Variants in TRRAP observed in about 807,000 individuals in gnomAD.
The protein encoded by TRRAP is transformation/transcription domain-associated protein.
In TRRAP, 41 loss-of-function variants were observed where a neutral mutation model predicts 438.8. The observed-to-expected ratio is 0.09, with a 90% CI of 0.07 to 0.12. The LOEUF is 0.12. Ranked by LOEUF, TRRAP falls within the 10% of genes least tolerant of loss-of-function variation. The pLI is 1.00. For synonymous variants in TRRAP, 1,994 were observed against 1,962.9 expected, an observed-to-expected ratio of 1.02 and a Z score of -0.42; for missense variants, 3,122 against 5,055.1, an observed-to-expected ratio of 0.62 and a Z score of 11.60.
intron 67 of TRRAP, chr7:98,999,681 A>G (rs1165618114): frequency 3.3e-6 from 3 of 914,408 alleles, no homozygotes; most frequent in Non-Finnish European, 5.3e-6. Context: ...AGGAGGATGG[A>G]TAATCTGGTG....
Position 98,985,173 on chromosome 7 carries a change from T to A in TRRAP, c.9389+129T>A, listed in dbSNP as rs531138981. On this transcript the variant is annotated intron_variant, in intron 62 of 72. Transcript: ENST00000456197. ...ATTTGGTGACAGTCATTAGGTAGGA[T>A]TTTTTAGGTACTGCACCTCTGCAAA... 21 of 627,490 alleles carry A rather than the reference T, an allele frequency of 3.3e-5. No homozygotes were observed. In the African/African-American group the frequency reaches 3.8e-4, roughly 11 times the overall value. The allele number at this position is 627,490 out of a possible 1,614,324, so 38.9% of individuals were successfully genotyped here.
At chr7:98,950,793 C>G (rs1329876754) in intron 38 of TRRAP, 83 bp from the exon 39 acceptor site, 18 of 1,441,894 alleles carry the variant, frequency 1.2e-5, no homozygotes, top group Admixed American at 2.6e-5. Flanking sequence ...TGTGCTAAGG[C>G]CAAGACTAGC....
At chr7:98,899,556 A>C in intron 9 of TRRAP, 57 bp downstream of exon 9, 2 of 1,606,264 alleles carry the variant, frequency 1.2e-6, no homozygotes, top group Admixed American at 3.3e-5. Context: ...GAAAATTGGC[A>C]TCTGGGGCCA....
intron 20 of TRRAP, among the ~76,000 whole-genome samples, chr7:98,920,093 T>C (rs1554410232): frequency 7.2e-5 from 11 of 152,206 alleles, no homozygotes. Flanking sequence ...TTTGCTTGGT[T>C]TAGAGAAAAG....
At position 98,948,105 on chromosome 7, in the gene TRRAP, C is replaced by T. The variant is rs1584347492; in HGVS notation, c.4549-116C>T. On this transcript the variant is annotated intron_variant, in intron 33 of 72. Coordinates refer to ENST00000456197, the MANE Select transcript of TRRAP (RefSeq NM_001375524.1). This position sits in a 1 kb window ranked among gnomAD's most constrained non-coding sequence, Gnocchi z 4.9. Reference sequence around the variant, plus strand: ...GTGGCTTTTACATGTGAACCCTTCGCTTCACTGCCTAGCCTTGCCAACATA... The same window carrying T: ...GTGGCTTTTACATGTGAACCCTTCGTTTCACTGCCTAGCCTTGCCAACATA... 6.8e-7 allele frequency: 1 copy of T among 1,464,844 alleles called. No homozygotes were observed. The highest frequency in any genetic ancestry group is 9.3e-7 in the Non-Finnish European group (1 of 1,073,186). The allele number at this position is 1,464,844 out of a possible 1,614,324, so 90.7% of individuals were successfully genotyped here.
chr7:98,964,855 A>G, intron 48 of TRRAP, 80 bp downstream of exon 48: 1 of 1,471,772 alleles, frequency 6.8e-7, no homozygotes, highest in Non-Finnish European at 9.0e-7. Context: ...CTGGGGCTGA[A>G]CTCTAAAGGG....
intron 20 of TRRAP, among the ~76,000 whole-genome samples, chr7:98,921,329 G>A (rs1275553014): frequency 6.6e-6 from 1 of 152,128 alleles, no homozygotes; most frequent in Non-Finnish European, 1.5e-5. Context: ...GGTGTGTTTG[G>A]GTAACAGAGG....
At chr7:99,000,451 G>A (rs1271720370) in intron 67 of TRRAP, among the ~76,000 whole-genome samples, 2 of 152,322 alleles carry the variant, frequency 1.3e-5, no homozygotes, top group East Asian at 1.9e-4. Context: ...GGGGCAAGCC[G>A]GAAACTGCTA....
chr7:98,895,881 A>G, intron 7 of TRRAP, 61 bp downstream of exon 7: 1 of 1,364,650 alleles, frequency 7.3e-7, no homozygotes, highest in Non-Finnish European at 1.0e-6. Context: ...TTCCAAAAAG[A>G]CTTTAGAACA....
intron 18 of TRRAP, among the ~76,000 whole-genome samples, chr7:98,913,724 T>C (rs1448592499): frequency 3.3e-5 from 5 of 152,216 alleles, no homozygotes; most frequent in African/African-American, 9.6e-5. Context: ...AAGAACATCT[T>C]AGAGAAGATG....
chr7:98,885,043 A>G (rs1340102020), intron 3 of TRRAP, among the ~76,000 whole-genome samples: 1 of 152,180 alleles, frequency 6.6e-6, no homozygotes, highest in Non-Finnish European at 1.5e-5. Context: ...CATGTCTCAC[A>G]TATAAGCATG....
At chr7:98,904,377 G>A in intron 12 of TRRAP, among the ~76,000 whole-genome samples, 1 of 151,498 alleles carries the variant, frequency 6.6e-6, no homozygotes, top group Non-Finnish European at 1.5e-5. Context: ...CAGCTGCTTG[G>A]GAGGCTGAGG....
intron 67 of TRRAP, among the ~76,000 whole-genome samples, chr7:99,001,905 C>A (rs1468192403): frequency 2.0e-5 from 3 of 152,160 alleles, no homozygotes; most frequent in Non-Finnish European, 4.4e-5. Flanking sequence ...GGAAACCATG[C>A]AGATGCCCTT....
Position 98,955,080 on chromosome 7 carries a change from G to A in TRRAP, c.5731-18G>A, listed in dbSNP as rs377466223. 41 of 1,603,386 alleles carry A rather than the reference G, an allele frequency of 2.6e-5. No individual in the cohort carries two copies. Among genetic ancestry groups the A allele is most frequent in the Non-Finnish European group, 3.3e-5 (39 of 1,171,570 alleles). ...GCCTTCCTTCTCATCCTCCATAAACGTCTCTTCCCTGTTTTAGGTTTTTCA... is the reference window on the plus strand; with the variant it reads ...GCCTTCCTTCTCATCCTCCATAAACATCTCTTCCCTGTTTTAGGTTTTTCA... On this transcript the variant is annotated intron_variant, in intron 40 of 72. Transcript: ENST00000456197.
chr7:98,910,216 CTGCCCCA>C lies in TRRAP; in HGVS notation c.1512_1518del (p.Ala505LeufsTer13). On this transcript the variant is annotated frameshift_variant, in exon 15 of 73. Transcript: ENST00000456197. LOFTEE classifies it high-confidence loss of function. Reference sequence around the variant, plus strand: ...CCTGCTCCCTCCCCAGCCCCTGTCCCTGCCCCACCTCCACCCCCGCCCCCACCCCCAC... The same window carrying C: ...CCTGCTCCCTCCCCAGCCCCTGTCCCCCTCCACCCCCGCCCCCACCCCCAC... 6.5e-7 allele frequency: 1 copy of C among 1,550,222 alleles called. No individual in the cohort carries two copies. Among genetic ancestry groups the C allele is most frequent in the Non-Finnish European group, 8.7e-7 (1 of 1,152,228 alleles).
chr7:98,970,328 G>A, intron 52 of TRRAP, 37 bp downstream of exon 52: 2 of 1,601,450 alleles, frequency 1.2e-6, no homozygotes, highest in Non-Finnish European at 1.7e-6. Flanking sequence ...ATCCCAGAGA[G>A]GAGGTGAGGC....
intron 1 of TRRAP, among the ~76,000 whole-genome samples, chr7:98,878,934 A>G (rs1434809320): frequency 6.6e-6 from 1 of 152,060 alleles, no homozygotes; most frequent in African/African-American, 2.4e-5. Flanking sequence ...CGGCGACCAA[A>G]GGAGGGAACC....
chr7:98,887,752 T>G (rs1235066063), intron 3 of TRRAP, among the ~76,000 whole-genome samples: 1 of 105,568 alleles, frequency 9.5e-6, no homozygotes, highest in Non-Finnish European at 2.2e-5. Flanking sequence ...AAAAAAAAAC[T>G]GCAATGGTTT....
intron 8 of TRRAP, 87 bp downstream of exon 8, chr7:98,897,953 C>G: frequency 6.3e-7 from 1 of 1,584,088 alleles, no homozygotes; most frequent in Non-Finnish European, 8.6e-7. Context: ...CTCTTAAATA[C>G]TTGGAGGCAT....
Sources: allele counts gnomAD v4.1 joint callset (sites outside exome capture counted in the v4.1 genomes callset), GRCh38; gene constraint gnomAD v4.1.1; non-coding constraint Gnocchi (gnomAD v3.1); transcripts MANE v1.5; gene names NCBI Gene and HGNC (gene_info 2026-07-23, HGNC 2026-07-21).